The following COL24A1 variants were observed in gnomAD, a reference collection of about 807,000 sequenced individuals.
The protein encoded by COL24A1 is collagen type XXIV alpha 1 chain.
In COL24A1, 224 loss-of-function variants were observed where a neutral mutation model predicts 253.9. That is an observed-to-expected ratio of 0.88 (90% CI 0.79 to 0.99). The LOEUF (loss-of-function observed/expected upper bound fraction) is 0.99. Ranked by LOEUF, COL24A1 falls within the 50% of genes least tolerant of loss-of-function variation. COL24A1 has a pLI of 0.00. For synonymous variants in COL24A1, 685 were observed against 673.7 expected (o/e 1.02, Z -0.26); for missense variants, 2,131 against 2,068.5 (o/e 1.03, Z -0.59).
chr1:85,730,903 A>C (rs12564080), intron 59 of COL24A1, among the ~76,000 whole-genome samples: 46,853 of 152,112 alleles, frequency 0.31, 7,836 homozygotes, highest in East Asian at 0.49. Context: ...TGTCTGTTCT[A>C]ATTTTTCACT....
At chr1:85,986,778 TCTC>T (rs1026686769) in intron 20 of COL24A1, among the ~76,000 whole-genome samples, 8 of 151,826 alleles carry the variant, frequency 5.3e-5, no homozygotes, top group African/African-American at 1.9e-4. Context: ...TCCAGCTTCA[TCTC>T]CTATCATTTC....
At chr1:85,821,637 C>CT (rs1673630422) in intron 45 of COL24A1, among the ~76,000 whole-genome samples, 1 of 152,084 alleles carries the variant, frequency 6.6e-6, no homozygotes, top group Admixed American at 6.5e-5. Flanking sequence ...TTCTAAGAGG[C>CT]TTTTTAATGT....
intron 24 of COL24A1, among the ~76,000 whole-genome samples, chr1:85,946,813 C>T (rs1689365665): frequency 6.6e-6 from 1 of 152,160 alleles, no homozygotes; most frequent in Admixed American, 6.5e-5. Flanking sequence ...TTTTATATGG[C>T]AGTTTGTTTA....
chr1:85,883,012 A>T (rs141468682), intron 32 of COL24A1, among the ~76,000 whole-genome samples: 78 of 152,258 alleles, frequency 5.1e-4, no homozygotes, highest in South Asian at 1.5e-3. Flanking sequence ...TTGCTTTCCT[A>T]TTCACTTTGG....
intron 37 of COL24A1, among the ~76,000 whole-genome samples, chr1:85,850,219 G>A (rs1677605715): frequency 6.6e-6 from 1 of 152,138 alleles, no homozygotes; most frequent in African/African-American, 2.4e-5. Flanking sequence ...CAGTAAGCCA[G>A]GTTGCAAGTT....
At chr1:85,791,714 A>G (rs1670293889) in intron 47 of COL24A1, among the ~76,000 whole-genome samples, 1 of 152,214 alleles carries the variant, frequency 6.6e-6, no homozygotes, top group Admixed American at 6.5e-5. Flanking sequence ...AGCATTTGGC[A>G]GTACCTATCT....
intron 19 of COL24A1, among the ~76,000 whole-genome samples, chr1:86,007,134 G>A (rs1430140368): frequency 6.6e-6 from 1 of 152,112 alleles, no homozygotes; most frequent in Non-Finnish European, 1.5e-5. Flanking sequence ...AGGATCACTT[G>A]AGCCCAGGAG....
intron 37 of COL24A1, among the ~76,000 whole-genome samples, chr1:85,864,634 C>T (rs527869394): frequency 2.0e-5 from 3 of 152,086 alleles, no homozygotes; most frequent in Non-Finnish European, 4.4e-5. Flanking sequence ...ATAATCTTCT[C>T]ATCTTTATGA....
At chr1:85,991,346 A>G (rs1459989812) in intron 19 of COL24A1, among the ~76,000 whole-genome samples, 1 of 152,234 alleles carries the variant, frequency 6.6e-6, no homozygotes, top group Non-Finnish European at 1.5e-5. Flanking sequence ...AGTGAAAGAC[A>G]TAGGAAATAA....
At chr1:85,912,313 CAAT>C (rs1255797732) in intron 24 of COL24A1, among the ~76,000 whole-genome samples, 1 of 151,866 alleles carries the variant, frequency 6.6e-6, no homozygotes, top group Non-Finnish European at 1.5e-5. Flanking sequence ...TACGGATTCT[CAAT>C]TATTTCTCCT....
At chr1:85,875,768 G>C (rs1002335197) in intron 33 of COL24A1, among the ~76,000 whole-genome samples, 5 of 121,792 alleles carry the variant, frequency 4.1e-5, no homozygotes, top group Non-Finnish European at 7.3e-5. Context: ...CACACACACA[G>C]AGCTTCTTTT....
chr1:85,885,506 C>T (rs7539765), intron 32 of COL24A1, among the ~76,000 whole-genome samples: 29,716 of 151,128 alleles, frequency 0.2, 3,285 homozygotes, highest in Non-Finnish European at 0.24. Context: ...CAGGTGTGAG[C>T]CACCGTGCCC....
intron 24 of COL24A1, among the ~76,000 whole-genome samples, chr1:85,932,363 A>G (rs1288493407): frequency 1.4e-5 from 1 of 69,792 alleles, no homozygotes; most frequent in African/African-American, 5.0e-5. Context: ...CCATCAGAGA[A>G]ATGCAAATCA....
chr1:85,910,983 G>A (rs955780839), intron 25 of COL24A1, among the ~76,000 whole-genome samples: 9 of 151,872 alleles, frequency 5.9e-5, no homozygotes, highest in Middle Eastern at 3.4e-3. Flanking sequence ...AAAATAGTAA[G>A]AATGGAAATA....
chr1:85,821,762 G>A (rs1673647917), intron 45 of COL24A1, among the ~76,000 whole-genome samples: 1 of 152,206 alleles, frequency 6.6e-6, no homozygotes, highest in African/African-American at 2.4e-5. Flanking sequence ...CGCAGGGATT[G>A]TTGACCATGT....
rs376753598 is a variant in COL24A1, at chr1:85,786,338, C to T, written c.4059+16G>A. On this transcript the variant is annotated intron_variant, in intron 48 of 59. Coordinates refer to ENST00000370571, the MANE Select transcript of COL24A1 (RefSeq NM_152890.7). The stretch of plus-strand genomic sequence containing the variant: ...GGCCAATACTGCTTACCCATTGGAA[C>T]AAAATATTAAAGTACCTTTGGGCCT... The T allele has an allele frequency of 2.5e-6, 4 of 1,611,346 alleles. No individual in the cohort carries two copies. Among genetic ancestry groups the T allele is most frequent in the Non-Finnish European group, 3.4e-6 (4 of 1,177,932 alleles).
At chr1:86,078,202 T>C (rs1432631674) in intron 7 of COL24A1, among the ~76,000 whole-genome samples, 2 of 152,096 alleles carry the variant, frequency 1.3e-5, no homozygotes, top group African/African-American at 2.4e-5. Context: ...TCAAAAACCA[T>C]ATTATCATTT....
Position 85,895,884 on chromosome 1 carries a change from C to T in COL24A1, c.2896G>A (p.Gly966Arg), listed in dbSNP as rs1683639269. The change falls in exon 31 of 60, where the codon GGA (glycine) becomes AGA (arginine). Residue 966 changes from glycine to arginine, a missense_variant. Transcript: ENST00000370571. ...HGLIGKTGNP[G>R]ERGFQGKPGL... is the part of the protein sequence containing the mutation. ...GGTTTCCCTTGAAATCCTCTTTCTC[C>T]AGGGTTTCCAGTCTTACCCTACATG... 1 of 1,609,078 alleles carries T rather than the reference C, an allele frequency of 6.2e-7. No homozygotes were observed. Among genetic ancestry groups the T allele is most frequent in the Non-Finnish European group, 8.5e-7 (1 of 1,178,608 alleles).
chr1:85,787,887 G>A (rs1027377399), intron 47 of COL24A1, among the ~76,000 whole-genome samples: 1 of 152,122 alleles, frequency 6.6e-6, no homozygotes, highest in African/African-American at 2.4e-5. Context: ...AGCCCTGCAA[G>A]TATCTGTTGT....
Sources: gnomAD v4.1 joint callset for allele counts (sites outside exome capture counted in the v4.1 genomes callset) on GRCh38, gnomAD v4.1.1 for gene constraint, MANE v1.5 for transcripts, NCBI Gene and HGNC (gene_info 2026-07-23, HGNC 2026-07-21) for gene names.